The following ZSWIM5 variants were observed in gnomAD, a reference collection of about 807,000 sequenced individuals.
ZSWIM5 encodes the protein zinc finger SWIM-type containing 5.
Under a neutral mutation model 119.6 loss-of-function variants are expected in ZSWIM5, and 55 were observed. The ratio of observed to expected loss-of-function variants is 0.46; its 90% CI spans 0.37 to 0.58. ZSWIM5 has a LOEUF of 0.58. ZSWIM5 is among the 20% of genes least tolerant of loss of function. The pLI, the probability that ZSWIM5 is intolerant of heterozygous loss-of-function variation, is 0.00. For missense variants in ZSWIM5, 1,193 were observed against 1,512.8 expected, an observed-to-expected ratio of 0.79 and a Z score of 3.51; for synonymous variants, 537 against 606.9, an observed-to-expected ratio of 0.88 and a Z score of 1.69.
chr1:45,177,824 C>A (rs1645990212), intron 1 of ZSWIM5, among the ~76,000 whole-genome samples: 4 of 152,140 alleles, frequency 2.6e-5, no homozygotes, highest in South Asian at 4.2e-4. Context: ...ACAATGCATT[C>A]TATGGCACAA....
chr1:45,082,963 G>T (rs923519835), intron 2 of ZSWIM5, among the ~76,000 whole-genome samples: 1 of 152,120 alleles, frequency 6.6e-6, no homozygotes, highest in Non-Finnish European at 1.5e-5. Flanking sequence ...AAGATAGTGG[G>T]AATGAGGCAC....
intron 1 of ZSWIM5, among the ~76,000 whole-genome samples, chr1:45,183,838 C>G (rs1178580938): frequency 1.3e-5 from 2 of 152,166 alleles, no homozygotes; most frequent in Admixed American, 6.5e-5. Context: ...AAACTGGTAC[C>G]ATTCCTTCTG....
At chr1:45,046,811 G>T (rs1645057800) in intron 5 of ZSWIM5, among the ~76,000 whole-genome samples, 1 of 151,868 alleles carries the variant, frequency 6.6e-6, no homozygotes, top group Non-Finnish European at 1.5e-5. Flanking sequence ...GGATCAGAAG[G>T]TCAAGAGTTC....
At chr1:45,087,007 C>T (rs145193340) in intron 2 of ZSWIM5, among the ~76,000 whole-genome samples, 1 of 151,848 alleles carries the variant, frequency 6.6e-6, no homozygotes, top group East Asian at 1.9e-4. Flanking sequence ...CCTCAGCCTC[C>T]AAAGTAGCTG....
intron 10 of ZSWIM5, among the ~76,000 whole-genome samples, chr1:45,035,037 C>T (rs1644974589): frequency 6.6e-6 from 1 of 152,150 alleles, no homozygotes. Flanking sequence ...ATCTACCTGC[C>T]TCGGCCTCCC....
intron 1 of ZSWIM5, among the ~76,000 whole-genome samples, chr1:45,197,352 T>C (rs1646132632): frequency 6.6e-6 from 1 of 152,236 alleles, no homozygotes; most frequent in African/African-American, 2.4e-5. Flanking sequence ...TGATCTACTT[T>C]GTCATTATAT....
At chr1:45,083,759 A>C (rs576298373) in intron 2 of ZSWIM5, among the ~76,000 whole-genome samples, 1 of 152,308 alleles carries the variant, frequency 6.6e-6, no homozygotes, top group South Asian at 2.1e-4. Flanking sequence ...TTATAAAGAA[A>C]AGTTTAATTG....
At chr1:45,038,884 C>T in intron 8 of ZSWIM5, 52 bp downstream of exon 8, 1 of 1,605,636 alleles carries the variant, frequency 6.2e-7, no homozygotes, top group Non-Finnish European at 8.5e-7. Context: ...GTGTGAGCCA[C>T]CATGCTAACC....
chr1:45,103,311 C>G (rs1645451307), intron 1 of ZSWIM5, among the ~76,000 whole-genome samples: 1 of 152,112 alleles, frequency 6.6e-6, no homozygotes, highest in Non-Finnish European at 1.5e-5. Flanking sequence ...TAAGTGCTTC[C>G]CATGTATTAA....
chr1:45,116,652 C>T (rs1570116446), intron 1 of ZSWIM5, among the ~76,000 whole-genome samples: 1 of 152,182 alleles, frequency 6.6e-6, no homozygotes, highest in East Asian at 1.9e-4. Context: ...AAACCAATGG[C>T]CAAACAGTAT....
rs1179059253 is a variant in ZSWIM5, at chr1:45,035,698, G to A, written c.2281C>T (p.Arg761Cys). The change falls in exon 10 of 14, where the codon CGT becomes TGT. Residue 761 changes from arginine (R) to cysteine (C), a missense_variant. Coordinates refer to ENST00000359600, the MANE Select transcript of ZSWIM5 (RefSeq NM_020883.2). ...DPDLSYKLAL[R>C]AMRLPVLENS... ...GAAAGGGCTACCCACCTCATGGCAC[G>A]TAAGGCTAATTTATAGGACAGGTCT... 3.7e-6 allele frequency: 6 copies of A among 1,613,570 alleles called. No individual in the cohort carries two copies. The highest frequency in any genetic ancestry group is 3.3e-5 in the Admixed American group (2 of 60,000).
intron 1 of ZSWIM5, among the ~76,000 whole-genome samples, chr1:45,111,637 G>C (rs1557769347): frequency 6.6e-6 from 1 of 152,240 alleles, no homozygotes; most frequent in Non-Finnish European, 1.5e-5. Flanking sequence ...AGCTTCTGGA[G>C]GTTGCCTGTA....
In ZSWIM5 at chr1:45,129,403, C is replaced by T. The variant is rs377026007; in HGVS notation, c.596-41166G>A. 3.3e-5 allele frequency among the ~76,000 whole-genome samples: 5 copies of T among 151,990 alleles called. No individual in the cohort carries two copies. In the East Asian group the frequency reaches 5.8e-4, roughly 18 times the overall value. On this transcript the variant is annotated intron_variant, in intron 1 of 13. Transcript: ENST00000359600. Reference sequence around the variant, plus strand: ...CGATATCCTGACCTCGTGATCCGCCCGCCTCAGCCTCCCAAAGTGCTGGGA... The same window carrying T: ...CGATATCCTGACCTCGTGATCCGCCTGCCTCAGCCTCCCAAAGTGCTGGGA...
rs578203795 is a variant in ZSWIM5 at position 45,057,920 on chromosome 1, G to A, written c.1252+689C>T. Among the ~76,000 whole-genome samples the A allele has an allele frequency of 6.6e-6, 1 of 152,224 alleles. No homozygotes were observed. The highest frequency in any genetic ancestry group is 2.1e-4 in the South Asian group (1 of 4,828). On this transcript the variant is annotated intron_variant, in intron 4 of 13. Transcript: ENST00000359600. This position sits in a 1 kb window ranked among gnomAD's most constrained non-coding sequence, Gnocchi z 4.7. ...AAAGGTTGAGAAATCAAATAAAGTT[G>A]GTCACTGGATGTAGGGAATGAAAGA...
chr1:45,161,076 G>A (rs973317045), intron 1 of ZSWIM5, among the ~76,000 whole-genome samples: 12 of 150,298 alleles, frequency 8.0e-5, no homozygotes, highest in African/African-American at 2.5e-4. Flanking sequence ...CTCCTTCCTC[G>A]GCCTCCCAAA....
At chr1:45,075,090 T>A (rs909572357) in intron 2 of ZSWIM5, among the ~76,000 whole-genome samples, 3 of 151,798 alleles carry the variant, frequency 2.0e-5, no homozygotes, top group Non-Finnish European at 4.4e-5. Flanking sequence ...CTTATTTCAA[T>A]TTTTTTTGAC....
intron 2 of ZSWIM5, among the ~76,000 whole-genome samples, chr1:45,087,537 CA>C (rs1211816925): frequency 6.6e-6 from 1 of 152,278 alleles, no homozygotes; most frequent in African/African-American, 2.4e-5. Context: ...CTGAATGATA[CA>C]AATTATTTTG....
chr1:45,065,847 C>CT (rs545936894), intron 2 of ZSWIM5, among the ~76,000 whole-genome samples: 2,811 of 150,872 alleles, frequency 0.019, 93 homozygotes, highest in African/African-American at 0.065. Flanking sequence ...GGAGAATTTT[C>CT]TTTTTTTTTA....
At chr1:45,163,054 C>T (rs1015212543) in intron 1 of ZSWIM5, among the ~76,000 whole-genome samples, 10 of 152,222 alleles carry the variant, frequency 6.6e-5, no homozygotes, top group African/African-American at 2.4e-4. Context: ...AGTAGCCTAA[C>T]TGGGAGGCAC....
Sources: gnomAD v4.1 joint callset for allele counts (sites outside exome capture counted in the v4.1 genomes callset) on GRCh38, gnomAD v4.1.1 for gene constraint, Gnocchi (gnomAD v3.1) non-coding constraint, MANE v1.5 for transcripts, NCBI Gene and HGNC (gene_info 2026-07-23, HGNC 2026-07-21) for gene names.